Variants in LINGO3 observed in about 807,000 individuals in gnomAD.
LINGO3 encodes leucine rich repeat and Ig domain containing 3, also known as leucine-rich repeat and immunoglobulin-like domain-containing nogo receptor-interacting protein 3.
For missense variants in LINGO3, 750 were observed against 867.7 expected, an observed-to-expected ratio of 0.86 and a Z score of 1.70; for synonymous variants, 427 against 444.2, an observed-to-expected ratio of 0.96 and a Z score of 0.49.
chr19:2,292,159 G>A (rs140643244), upstream of LINGO3: 73 of 264,602 alleles, frequency 2.8e-4, 2 homozygotes, highest in South Asian at 2.2e-3. Flanking sequence ...CTGCACTCCA[G>A]CCTGGGCAAC....
chr19:2,297,505 A>G, the LINGO3 span, among the ~76,000 whole-genome samples: 2 of 148,146 alleles, frequency 1.4e-5, no homozygotes, highest in Non-Finnish European at 3.0e-5. Flanking sequence ...GGATTTCACC[A>G]CGTTGGCCAG....
At chr19:2,304,677 G>T in the LINGO3 span, among the ~76,000 whole-genome samples, 1 of 150,170 alleles carries the variant, frequency 6.7e-6, no homozygotes, top group East Asian at 1.9e-4. Flanking sequence ...CCTGGAATGC[G>T]CAGCAGGAGG....
the LINGO3 span, among the ~76,000 whole-genome samples, chr19:2,299,934 A>G: frequency 6.7e-6 from 1 of 150,298 alleles, no homozygotes; most frequent in Non-Finnish European, 1.5e-5. Flanking sequence ...CGTGTTAGCC[A>G]GGATGGTCTT....
At chr19:2,308,142 A>AGCCGCCGCCGCCGCCGCCGCCGCCGCC in the LINGO3 span, among the ~76,000 whole-genome samples, 96 of 139,672 alleles carry the variant, frequency 6.9e-4, no homozygotes, top group Admixed American at 1.6e-3. Flanking sequence ...CGACACGAGC[A>AGCCGCCGCCGCCGCCGCCGCCGCCGCC]GCCGCCGCCG....
At chr19:2,289,161 C>T (rs1363202293), downstream of LINGO3, among the ~76,000 whole-genome samples, 2 of 148,216 alleles carry the variant, frequency 1.3e-5, no homozygotes, top group African/African-American at 2.5e-5. Context: ...CTGTGTGTCC[C>T]GGGTGTGAGC....
chr19:2,299,811 C>T, the LINGO3 span, among the ~76,000 whole-genome samples: 3 of 149,808 alleles, frequency 2.0e-5, no homozygotes, highest in Non-Finnish European at 4.4e-5. Flanking sequence ...GCAAGCTTCG[C>T]CCCCTGGGTT....
At chr19:2,300,863 C>T in the LINGO3 span, among the ~76,000 whole-genome samples, 13 of 152,328 alleles carry the variant, frequency 8.5e-5, no homozygotes, top group South Asian at 2.3e-3. Context: ...CTGCAAACCG[C>T]GGTCTCCCCA....
chr19:2,296,886 A>C (rs1404491421), upstream of LINGO3, among the ~76,000 whole-genome samples: 2 of 150,342 alleles, frequency 1.3e-5, no homozygotes, highest in Non-Finnish European at 3.0e-5. Context: ...CAGGAGATCG[A>C]GACCATCCTG....
At chr19:2,303,472 C>T in the LINGO3 span, among the ~76,000 whole-genome samples, 3 of 149,224 alleles carry the variant, frequency 2.0e-5, no homozygotes, top group South Asian at 2.1e-4. Flanking sequence ...AAGCGAGGGG[C>T]GAGGCTGGCC....
At chr19:2,291,255 C>T (rs779441587) in exon 1 of LINGO3, 16 of 1,612,142 alleles carry the variant, frequency 9.9e-6, no homozygotes, top group Non-Finnish European at 1.4e-5. Flanking sequence ...CCTCCAGGGC[C>T]AGCAGCCCCG....
At chr19:2,292,500 G>T (rs563273943), upstream of LINGO3, among the ~76,000 whole-genome samples, 37 of 148,222 alleles carry the variant, frequency 2.5e-4, no homozygotes, top group African/African-American at 9.2e-4. Flanking sequence ...GTGTTTGTTT[G>T]TCTGTTTGAG....
At chr19:2,293,032 C>T (rs925023573), upstream of LINGO3, among the ~76,000 whole-genome samples, 16 of 151,634 alleles carry the variant, frequency 1.1e-4, no homozygotes, top group Non-Finnish European at 1.2e-4. Flanking sequence ...GTGAGAGACG[C>T]GACACAAAAG....
At chr19:2,306,542 C>T in the LINGO3 span, among the ~76,000 whole-genome samples, 1 of 152,208 alleles carries the variant, frequency 6.6e-6, no homozygotes, top group Admixed American at 6.5e-5. Context: ...GGGTGGACGG[C>T]TGAGGCTGAG....
chr19:2,307,421 G>C, the LINGO3 span, among the ~76,000 whole-genome samples: 1 of 152,186 alleles, frequency 6.6e-6, no homozygotes, highest in South Asian at 2.1e-4. Flanking sequence ...TAAACTTGTT[G>C]AATGGGACTC....
Position 2,290,085 on chromosome 19 carries a change from C to G in LINGO3, c.1692G>C (p.Ser564=), listed in dbSNP as rs775589597. ...CCACCTTGCGGAAGGAGTACTCCAC[C>G]GAGAAGTTGTTTTTGTGCTGCCCGC... The change falls in exon 1 of 1, where the codon TCG becomes TCC. Residue 564 remains serine, a synonymous_variant. Coordinates refer to ENST00000585527, the Ensembl canonical transcript of LINGO3. This position sits in a 1 kb window ranked among gnomAD's most constrained non-coding sequence, Gnocchi z 6.0. 2.0e-5 allele frequency: 32 copies of G among 1,587,590 alleles called. No homozygotes were observed. The highest frequency in any genetic ancestry group is 2.7e-5 in the Non-Finnish European group (31 of 1,168,068).
In LINGO3 at chr19:2,290,859, C is replaced by T; in HGVS notation, c.918G>A (p.Leu306=). The change falls in exon 1 of 1, where the codon CTG becomes CTA. Residue 306 remains leucine (L), a synonymous_variant. Coordinates refer to ENST00000585527, the Ensembl canonical transcript of LINGO3. The surrounding 1 kb of genome is among the most constrained non-coding windows in gnomAD (Gnocchi z 6.0). Reference sequence around the variant, plus strand: ...GGAAGGCCTGCGGCTCCACCACAGCCAGCAGGGCCCCGGCCAGGTGCAGCT... The same window carrying T: ...GGAAGGCCTGCGGCTCCACCACAGCTAGCAGGGCCCCGGCCAGGTGCAGCT... 1 of 1,611,718 alleles carries T rather than the reference C, an allele frequency of 6.2e-7. No homozygotes were observed. Among genetic ancestry groups the T allele is most frequent in the Non-Finnish European group, 8.5e-7 (1 of 1,179,302 alleles).
In LINGO3 at chr19:2,290,103, C is replaced by T. The variant is rs750469826; in HGVS notation, c.1674G>A (p.Gln558=). The stretch of plus-strand genomic sequence containing the variant: ...ACTCCACCGAGAAGTTGTTTTTGTG[C>T]TGCCCGCGGCCGCGGCTCCACACGA... Residue 558 remains glutamine, a synonymous_variant, in exon 1 of 1, where the codon CAG becomes CAA. Transcript: ENST00000585527. The surrounding 1 kb of genome is among the most constrained non-coding windows in gnomAD (Gnocchi z 6.0). 2 of 1,604,490 alleles carry T rather than the reference C, an allele frequency of 1.2e-6. No homozygotes were observed. Among genetic ancestry groups the T allele is most frequent in the African/African-American group, 1.3e-5 (1 of 74,728 alleles).
upstream of LINGO3, among the ~76,000 whole-genome samples, chr19:2,292,488 T>G (rs2145088661): frequency 6.6e-6 from 1 of 151,642 alleles, no homozygotes; most frequent in Non-Finnish European, 1.5e-5. Flanking sequence ...TTTGTTTTGT[T>G]TGTGTTTGTT....
At chr19:2,289,200 C>T (rs1012717121), downstream of LINGO3, among the ~76,000 whole-genome samples, 2 of 148,798 alleles carry the variant, frequency 1.3e-5, no homozygotes, top group Middle Eastern at 7.3e-3. Context: ...GCTGTGTGTC[C>T]CGGGTGTGAG....
Sources: gnomAD v4.1 joint callset for allele counts (sites outside exome capture counted in the v4.1 genomes callset) on GRCh38, gnomAD v4.1.1 for gene constraint, Gnocchi (gnomAD v3.1) non-coding constraint, MANE v1.5 for transcripts, NCBI Gene and HGNC (gene_info 2026-07-23, HGNC 2026-07-21) for gene names.